C11orf65: variants seen among roughly 807,000 people sequenced by gnomAD.
C11orf65 encodes the protein chromosome 11 open reading frame 65, also known as protein MFI.
C11orf65 carries 38 observed loss-of-function variants against 35.3 expected under a neutral mutation model. That is an observed-to-expected ratio of 1.08 (90% CI 0.83 to 1.41). The LOEUF is 1.41. Among genes scored for constraint, C11orf65 ranks in the 40% most tolerant of loss-of-function variants. The pLI, the probability that C11orf65 is intolerant of heterozygous loss-of-function variation, is 0.00. For synonymous variants in C11orf65, 105 were observed against 114.4 expected (o/e 0.92, Z 0.53); for missense variants, 370 against 367.1 (o/e 1.01, Z -0.06).
At chr11:108,343,905 C>T (rs1004361168) in intron 2 of C11orf65, among the ~76,000 whole-genome samples, 3 of 152,194 alleles carry the variant, frequency 2.0e-5, no homozygotes, top group Admixed American at 6.5e-5. Context: ...GATATTCATT[C>T]GCTGAATCAG....
chr11:108,404,735 G>A (rs1035841384), intron 6 of C11orf65, among the ~76,000 whole-genome samples: 1 of 151,884 alleles, frequency 6.6e-6, no homozygotes, highest in Non-Finnish European at 1.5e-5. Flanking sequence ...GGCCACATGG[G>A]GGTTTATTTC....
intron 2 of C11orf65, among the ~76,000 whole-genome samples, chr11:108,359,057 C>T (rs1254418908): frequency 3.0e-4 from 44 of 148,754 alleles, no homozygotes; most frequent in South Asian, 2.6e-3. Context: ...ACCCATCTCA[C>T]GTGCAGAGAC....
Position 108,345,658 on chromosome 11 carries a change from C to G in C11orf65, c.227-10366G>C, listed in dbSNP as rs974495901. The G allele has an allele frequency of 2.3e-5, 26 of 1,138,586 alleles. 1 individual carries two copies. The Middle Eastern group carries it at 1.5e-3, about 65-fold the overall frequency. 70.5% of individuals were successfully genotyped at this position (1,138,586 alleles called of 1,614,324 possible). Reference sequence around the variant, plus strand: ...CTGTTCATCTTTATTGCCCCTATATCTGTCATATTTTTATATAAAAATGTG... The same window carrying G: ...CTGTTCATCTTTATTGCCCCTATATGTGTCATATTTTTATATAAAAATGTG... On this transcript the variant is annotated intron_variant, in intron 2 of 3. Transcript: ENST00000524755.
At chr11:108,428,031 G>A (rs545677486) in intron 3 of C11orf65, among the ~76,000 whole-genome samples, 55 of 150,272 alleles carry the variant, frequency 3.7e-4, no homozygotes, top group East Asian at 1.4e-3. Context: ...GGGTTTCACC[G>A]TTTTAGCCGG....
At chr11:108,319,641 C>G (rs1443794064) in intron 6 of C11orf65, among the ~76,000 whole-genome samples, 2 of 152,180 alleles carry the variant, frequency 1.3e-5, no homozygotes, top group Non-Finnish European at 2.9e-5. Flanking sequence ...GAGTAAAGAC[C>G]TGATCTGACT....
intron 6 of C11orf65, among the ~76,000 whole-genome samples, chr11:108,323,132 G>A (rs750583622): frequency 6.6e-5 from 10 of 152,288 alleles, no homozygotes; most frequent in Non-Finnish European, 1.3e-4. Flanking sequence ...TGTTTTGGAA[G>A]TAGAAAAGAG....
intron 2 of C11orf65, among the ~76,000 whole-genome samples, chr11:108,458,323 T>C (rs12796446): frequency 0.37 from 50,570 of 137,438 alleles, 9,665 homozygotes; most frequent in East Asian, 0.56. Flanking sequence ...ACCACTGCAT[T>C]GCAGCCTGGG....
In C11orf65 at chr11:108,325,341, T is replaced by C. The variant is rs730881311; in HGVS notation, c.641-16270A>G. The stretch of plus-strand genomic sequence containing the variant: ...CACACATAGACAACTCTCTGAAGTA[T>C]ATATTAAGTGGCAGAAACACTCCCA... On this transcript the variant is annotated intron_variant, in intron 6 of 6. Transcript: ENST00000525729. The C allele has an allele frequency of 6.2e-7, 1 of 1,610,768 alleles. No homozygotes were observed. The highest frequency in any genetic ancestry group is 8.5e-7 in the Non-Finnish European group (1 of 1,178,654).
chr11:108,374,290 C>A (rs1236379022), intron 2 of C11orf65, among the ~76,000 whole-genome samples: 4 of 152,208 alleles, frequency 2.6e-5, no homozygotes, highest in Admixed American at 1.3e-4. Context: ...TGAGACAAAA[C>A]TTCCAGAGGA....
chr11:108,327,571 C>A, downstream of C11orf65: 5 of 1,237,676 alleles, frequency 4.0e-6, no homozygotes, highest in Non-Finnish European at 5.8e-6. Context: ...CTGCTTTTTT[C>A]CCCGTACATG....
rs768106055 is a variant in C11orf65 at position 108,310,232 on chromosome 11, T to C, written c.641-1161A>G. On this transcript the variant is annotated intron_variant, in intron 6 of 6. Transcript: ENST00000525729. ...ATTATCTAGAAGTTGCCAAGGTAGC[T>C]CAGTCTTGTGCTGCTCACTTTACAG... is the stretch of plus-strand genomic sequence containing the variant. 3 of 1,613,620 alleles carry C rather than the reference T, an allele frequency of 1.9e-6. 1 individual carries two copies. The South Asian group carries it at 3.3e-5, about 18-fold the overall frequency.
intron 1 of C11orf65, among the ~76,000 whole-genome samples, chr11:108,463,343 C>T (rs995967080): frequency 1.3e-5 from 2 of 152,092 alleles, no homozygotes; most frequent in Admixed American, 1.3e-4. Flanking sequence ...TCCCTTTTGA[C>T]GTTTAAAGTT....
chr11:108,445,165 T>G (rs908400487), intron 2 of C11orf65, among the ~76,000 whole-genome samples: 1 of 152,134 alleles, frequency 6.6e-6, no homozygotes, highest in Admixed American at 6.5e-5. Context: ...CTCTGTAGGC[T>G]CCACCTCTGG....
chr11:108,430,848 A>AT (rs1193006591), intron 3 of C11orf65, among the ~76,000 whole-genome samples: 1 of 151,450 alleles, frequency 6.6e-6, no homozygotes, highest in African/African-American at 2.4e-5. Flanking sequence ...CTGTCTTAAA[A>AT]AAATAAATAA....
At chr11:108,334,279 T>G (rs1240377710) in intron 3 of C11orf65, among the ~76,000 whole-genome samples, 1 of 152,194 alleles carries the variant, frequency 6.6e-6, no homozygotes, top group East Asian at 1.9e-4. Context: ...ATTTTTGACT[T>G]GGCAAGGAAG....
chr11:108,407,024 G>T, intron 4 of C11orf65, 61 bp from the exon 5 acceptor site: 1 of 1,569,998 alleles, frequency 6.4e-7, no homozygotes, highest in Non-Finnish European at 8.7e-7. Flanking sequence ...TTTACATTTT[G>T]AAAAATTACA....
At chr11:108,460,832 T>G (rs989940932) in intron 2 of C11orf65, among the ~76,000 whole-genome samples, 1 of 152,070 alleles carries the variant, frequency 6.6e-6, no homozygotes, top group Non-Finnish European at 1.5e-5. Context: ...TTCAAGTGAT[T>G]CTTCTGCCTC....
chr11:108,464,761 G>A (rs746395405), intron 1 of C11orf65, among the ~76,000 whole-genome samples: 69 of 152,074 alleles, frequency 4.5e-4, no homozygotes, highest in African/African-American at 1.3e-3. Context: ...GCCTGGGTTC[G>A]GAAAGGGAAG....
intron 2 of C11orf65, among the ~76,000 whole-genome samples, chr11:108,448,296 T>G (rs1282485123): frequency 6.6e-6 from 1 of 152,098 alleles, no homozygotes; most frequent in Non-Finnish European, 1.5e-5. Context: ...AGGCCAGCAT[T>G]ATCCTGATAC....
Sources: allele counts gnomAD v4.1 joint callset (sites outside exome capture counted in the v4.1 genomes callset), GRCh38; gene constraint gnomAD v4.1.1; transcripts MANE v1.5; gene names NCBI Gene and HGNC (gene_info 2026-07-23, HGNC 2026-07-21).